Variants in GAGE10 observed in about 807,000 individuals in gnomAD.
The protein encoded by GAGE10 is G antigen 10.
Under a neutral mutation model 11.5 loss-of-function variants are expected in GAGE10, and 9 were observed. The observed-to-expected ratio is 0.78, with a 90% CI of 0.47 to 1.37. The LOEUF is 1.37. Ranked by LOEUF, GAGE10 falls within the 40% of genes most tolerant of loss-of-function variation. The probability of loss-of-function intolerance (pLI) is 0.00; values close to 1 mark genes in which losing one functional copy is unlikely to be tolerated. For synonymous variants in GAGE10, 23 were observed against 29.7 expected, an observed-to-expected ratio of 0.77 and a Z score of 0.73; for missense variants, 83 against 92.9, an observed-to-expected ratio of 0.89 and a Z score of 0.44.
intron 3 of GAGE10, among the ~76,000 whole-genome samples, chrX:49,312,412 G>T (rs1203705602): frequency 8.9e-6 from 1 of 112,932 alleles, no homozygotes; most frequent in Non-Finnish European, 1.9e-5. Flanking sequence ...AAAGAGAGAG[G>T]ACTATTGGCT....
intron 3 of GAGE10, among the ~76,000 whole-genome samples, chrX:49,311,171 G>A (rs2066375443): frequency 8.9e-6 from 1 of 111,860 alleles, no homozygotes; most frequent in Non-Finnish European, 1.9e-5. Flanking sequence ...TGGTAGTAGA[G>A]CTTAACCCTC....
chrX:49,317,255 C>A lies in GAGE10; in HGVS notation c.295C>A (p.Pro99Thr). The A allele has an allele frequency of 8.3e-7, 1 of 1,207,386 alleles. No homozygotes were observed. Among genetic ancestry groups the A allele is most frequent in the Non-Finnish European group, 1.1e-6 (1 of 892,864 alleles). ...DGPDGQEMGL[P>T]NPEEVKRPEE... ...TCCTGATGGCCAGGAGATGGGCCTG[C>A]CAAATCCAGAGGAGGTGAAAAGGCC... Residue 99 changes from proline to threonine, a missense_variant, in exon 4 of 5, where the codon CCA becomes ACA. Pro to Thr is a conservative substitution (Grantham distance 38). Around this residue, in one of 3 missense-constraint regions of GAGE10, gnomAD observed 66 missense variants for 35.4 expected, o/e 1.87. Transcript: ENST00000407599.
chrX:49,306,305 T>C (rs1222998523), intron 3 of GAGE10, among the ~76,000 whole-genome samples: 1 of 112,258 alleles, frequency 8.9e-6, no homozygotes, highest in Non-Finnish European at 1.9e-5. Flanking sequence ...TGCCCATTAA[T>C]TGCTGTCCTC....
At chrX:49,305,341 T>C in intron 2 of GAGE10, 63 bp from the exon 3 acceptor site, 1 of 651,401 alleles carries the variant, frequency 1.5e-6, no homozygotes, top group Admixed American at 3.8e-5. Context: ...TGTGTATATA[T>C]GTAAAATTTT....
intron 3 of GAGE10, among the ~76,000 whole-genome samples, chrX:49,306,003 C>T (rs2066355597): frequency 8.9e-6 from 1 of 111,777 alleles, no homozygotes; most frequent in Admixed American, 9.5e-5. Context: ...TGAATGTCAG[C>T]CACTGTTTCC....
At chrX:49,306,340 A>G (rs1449512832) in intron 3 of GAGE10, among the ~76,000 whole-genome samples, 1 of 112,010 alleles carries the variant, frequency 8.9e-6, no homozygotes, top group Admixed American at 9.4e-5. Flanking sequence ...TCAGTGTGGG[A>G]CAGTATATTT....
At chrX:49,307,446 C>T (rs1215605667) in intron 3 of GAGE10, among the ~76,000 whole-genome samples, 3 of 108,717 alleles carry the variant, frequency 2.8e-5, no homozygotes, top group Non-Finnish European at 5.7e-5. Flanking sequence ...ACTCAAATTT[C>T]GCCAGTTCTC....
In GAGE10 at chrX:49,304,353, T is replaced by G. The variant is rs1268044426; in HGVS notation, c.-8-499T>G. Among the ~76,000 whole-genome samples, 14 of 112,763 alleles carry G rather than the reference T, an allele frequency of 1.2e-4. No individual in the cohort carries two copies. In the Admixed American group the frequency reaches 1.3e-3, roughly 10 times the overall value. On this transcript the variant is annotated intron_variant, in intron 1 of 4. Transcript: ENST00000407599. The stretch of plus-strand genomic sequence containing the variant: ...ATTTGAGAGAAGTGAATGGCTCTAG[T>G]AAGTGGGAGTGTGCCCAAAGTAGCA...
At chrX:49,315,203 G>A (rs2147988476) in intron 3 of GAGE10, among the ~76,000 whole-genome samples, 1 of 112,256 alleles carries the variant, frequency 8.9e-6, no homozygotes, top group African/African-American at 3.2e-5. Flanking sequence ...TAAATGGACA[G>A]GGGCGTGTGT....
intron 3 of GAGE10, among the ~76,000 whole-genome samples, 195 bp from the exon 4 acceptor site, chrX:49,316,968 T>A (rs1408625622): frequency 9.1e-6 from 1 of 110,284 alleles, no homozygotes; most frequent in African/African-American, 3.3e-5. Flanking sequence ...AGGAAGAGGG[T>A]AATATTTGGA....
At chrX:49,305,031 A>G in intron 2 of GAGE10, 91 bp downstream of exon 2, 3 of 1,053,923 alleles carry the variant, frequency 2.8e-6, no homozygotes, top group African/African-American at 3.7e-5. Flanking sequence ...ATGCTGATAA[A>G]GGTCTTTCCT....
At chrX:49,308,252 T>G (rs782350830) in intron 3 of GAGE10, among the ~76,000 whole-genome samples, 1 of 112,361 alleles carries the variant, frequency 8.9e-6, no homozygotes, top group African/African-American at 3.2e-5. Context: ...CTCTGATTCC[T>G]TAATTATCCT....
At chrX:49,307,974 A>G (rs2066363294) in intron 3 of GAGE10, among the ~76,000 whole-genome samples, 1 of 112,177 alleles carries the variant, frequency 8.9e-6, no homozygotes, top group African/African-American at 3.2e-5. Flanking sequence ...CTAGTTGTGC[A>G]GCTGCAAGGT....
intron 3 of GAGE10, among the ~76,000 whole-genome samples, chrX:49,308,644 TA>T (rs1352430021): frequency 9.0e-6 from 1 of 111,620 alleles, no homozygotes; most frequent in Non-Finnish European, 1.9e-5. Flanking sequence ...GTCCCCCTAA[TA>T]AAGTGAAAGT....
chrX:49,306,076 C>G (rs1196785974), intron 3 of GAGE10, among the ~76,000 whole-genome samples: 8 of 111,857 alleles, frequency 7.2e-5, no homozygotes, highest in African/African-American at 2.6e-4. Context: ...TACTGCCATA[C>G]AGGTAGCTGG....
Position 49,303,762 on chromosome X carries a change from G to T in GAGE10, c.-9+9G>T, listed in dbSNP as rs782179180. On this transcript the variant is annotated intron_variant, in intron 1 of 4. Transcript: ENST00000407599. ...CTACTGAGATTCATCTGGTAGGTCTGCAGGCCAGTCCTCCCGGGGTCTGAA... is the reference window on the plus strand; with the variant it reads ...CTACTGAGATTCATCTGGTAGGTCTTCAGGCCAGTCCTCCCGGGGTCTGAA... The T allele has an allele frequency of 8.8e-6, 1 of 113,205 alleles. No homozygotes were observed. Among genetic ancestry groups the T allele is most frequent in the East Asian group, 2.8e-4 (1 of 3,585 alleles). 9.3% of individuals were successfully genotyped at this position (113,205 alleles called of 1,213,427 possible).
chrX:49,310,606 G>C (rs782376518), intron 3 of GAGE10, among the ~76,000 whole-genome samples: 8 of 111,395 alleles, frequency 7.2e-5, no homozygotes, highest in Non-Finnish European at 1.3e-4. Context: ...GCTTAGCGGG[G>C]GGCCGAGAAT....
intron 3 of GAGE10, among the ~76,000 whole-genome samples, chrX:49,306,152 A>G (rs1261526119): frequency 1.7e-4 from 19 of 112,384 alleles, no homozygotes; most frequent in African/African-American, 5.8e-4. Flanking sequence ...AAAAGCAAAA[A>G]AGGAATTATC....
intron 3 of GAGE10, among the ~76,000 whole-genome samples, chrX:49,307,524 G>A (rs183979540): frequency 7.9e-4 from 86 of 108,696 alleles, no homozygotes; most frequent in Admixed American, 2.4e-3. Flanking sequence ...TGTTGCCCAG[G>A]TTGGAGTGCA....
Sources: allele counts gnomAD v4.1 joint callset (sites outside exome capture counted in the v4.1 genomes callset), GRCh38; gene constraint gnomAD v4.1.1; regional missense constraint gnomAD v4.1.1; transcripts MANE v1.5; gene names NCBI Gene and HGNC (gene_info 2026-07-23, HGNC 2026-07-21).